Variants in TNFAIP8 observed in about 807,000 individuals in gnomAD.
The protein encoded by TNFAIP8 is TNF alpha induced protein 8.
In TNFAIP8, 7 loss-of-function variants were observed where a neutral mutation model predicts 13.3. The ratio of observed to expected loss-of-function variants is 0.52; its 90% CI spans 0.30 to 0.99. The LOEUF is 0.99. Ranked by LOEUF, TNFAIP8 falls within the 50% of genes least tolerant of loss-of-function variation. TNFAIP8 has a pLI of 0.07. For missense variants in TNFAIP8, 258 were observed against 236.9 expected (o/e 1.09, Z -0.58); for synonymous variants, 94 against 87.6 (o/e 1.07, Z -0.41).
At chr5:119,348,880 C>CAAAAAA (rs60633145) in intron 1 of TNFAIP8, among the ~76,000 whole-genome samples, 19 of 90,978 alleles carry the variant, frequency 2.1e-4, no homozygotes, top group Non-Finnish European at 2.8e-4. Context: ...AACTCCATCT[C>CAAAAAA]AAAAAAAAAA....
intron 1 of TNFAIP8, among the ~76,000 whole-genome samples, chr5:119,325,268 A>G (rs564956040): frequency 3.3e-5 from 5 of 152,114 alleles, no homozygotes; most frequent in Non-Finnish European, 7.4e-5. Flanking sequence ...AAGTGGTTCA[A>G]AGGGCCTGTG....
chr5:119,319,267 C>G (rs1749984759), intron 1 of TNFAIP8, among the ~76,000 whole-genome samples: 1 of 152,174 alleles, frequency 6.6e-6, no homozygotes, highest in Non-Finnish European at 1.5e-5. Flanking sequence ...AAGTGAGACC[C>G]TGTCCCTGAA....
chr5:119,340,490 A>C (rs1750700141), intron 1 of TNFAIP8, among the ~76,000 whole-genome samples: 1 of 152,236 alleles, frequency 6.6e-6, no homozygotes, highest in Admixed American at 6.5e-5. Context: ...ATTTAATTCT[A>C]TTAATAGTTC....
chr5:119,273,558 G>A (rs1269500553), intron 1 of TNFAIP8, among the ~76,000 whole-genome samples: 2 of 152,164 alleles, frequency 1.3e-5, no homozygotes, highest in Non-Finnish European at 2.9e-5. Context: ...GCCTGAGAAC[G>A]AAGACGAGCC....
intron 1 of TNFAIP8, among the ~76,000 whole-genome samples, chr5:119,386,676 C>G: frequency 6.6e-6 from 1 of 152,150 alleles, no homozygotes; most frequent in East Asian, 1.9e-4. Context: ...TGTAATGGTG[C>G]CTGTCACTGG....
upstream of TNFAIP8, chr5:119,355,249 C>T (rs1383310243): frequency 1.2e-5 from 8 of 694,232 alleles, no homozygotes; most frequent in South Asian, 1.1e-4. Flanking sequence ...TGCTGGTAGC[C>T]GGGAGGGAAC....
At chr5:119,363,204 T>A (rs760983463) in intron 1 of TNFAIP8, among the ~76,000 whole-genome samples, 9 of 152,218 alleles carry the variant, frequency 5.9e-5, no homozygotes, top group Non-Finnish European at 1.3e-4. Flanking sequence ...AGCCTGTCTG[T>A]AGAGAAGAGC....
At chr5:119,297,944 T>A (rs1269504607) in intron 1 of TNFAIP8, among the ~76,000 whole-genome samples, 1 of 152,180 alleles carries the variant, frequency 6.6e-6, no homozygotes. Flanking sequence ...CCTTTTTTTG[T>A]TTTCCATTTG....
chr5:119,318,496 A>G (rs1749962603), intron 1 of TNFAIP8, among the ~76,000 whole-genome samples: 1 of 151,878 alleles, frequency 6.6e-6, no homozygotes, highest in South Asian at 2.1e-4. Flanking sequence ...GGGTTCCCCT[A>G]TGTTGCCCAG....
upstream of TNFAIP8, chr5:119,354,914 T>G (rs1184771534): frequency 6.2e-6 from 1 of 160,324 alleles, no homozygotes; most frequent in African/African-American, 2.4e-5. Flanking sequence ...GTATATTTTT[T>G]TCTCATAATT....
At chr5:119,313,445 T>C (rs1014453103) in intron 1 of TNFAIP8, among the ~76,000 whole-genome samples, 2 of 152,282 alleles carry the variant, frequency 1.3e-5, no homozygotes, top group Non-Finnish European at 2.9e-5. Context: ...AGACCACCAT[T>C]GCCAGAGCTG....
chr5:119,339,095 C>T (rs1750652470), intron 1 of TNFAIP8, among the ~76,000 whole-genome samples: 1 of 152,042 alleles, frequency 6.6e-6, no homozygotes, highest in Non-Finnish European at 1.5e-5. Context: ...GATTGAGCTT[C>T]ATCCTGAATT....
At chr5:119,300,021 C>G (rs1379671252) in intron 1 of TNFAIP8, among the ~76,000 whole-genome samples, 1 of 152,218 alleles carries the variant, frequency 6.6e-6, no homozygotes, top group Non-Finnish European at 1.5e-5. Context: ...TCACCCCTTT[C>G]TTTGCCTAGG....
At chr5:119,323,612 C>T (rs1191369458) in intron 1 of TNFAIP8, among the ~76,000 whole-genome samples, 1 of 152,132 alleles carries the variant, frequency 6.6e-6, no homozygotes, top group Non-Finnish European at 1.5e-5. Context: ...TGTATGTTTC[C>T]CTCCACTCTG....
intron 1 of TNFAIP8, among the ~76,000 whole-genome samples, chr5:119,347,656 C>A (rs1408075246): frequency 6.6e-6 from 1 of 152,136 alleles, no homozygotes; most frequent in African/African-American, 2.4e-5. Flanking sequence ...CTGACCTATT[C>A]AAGAGGAAAA....
At chr5:119,315,719 T>C (rs75388931) in intron 1 of TNFAIP8, among the ~76,000 whole-genome samples, 2,425 of 152,256 alleles carry the variant, frequency 0.016, 70 homozygotes, top group African/African-American at 0.056. Flanking sequence ...GGAGCTTTTT[T>C]ACAGGAATCA....
chr5:119,388,544 A>G (rs969726633), intron 1 of TNFAIP8, among the ~76,000 whole-genome samples: 1 of 152,256 alleles, frequency 6.6e-6, no homozygotes, highest in Non-Finnish European at 1.5e-5. Flanking sequence ...AGGGAGAGGC[A>G]GACAATAAAA....
intron 1 of TNFAIP8, among the ~76,000 whole-genome samples, chr5:119,307,474 C>T (rs1749600538): frequency 6.6e-6 from 1 of 152,080 alleles, no homozygotes; most frequent in African/African-American, 2.4e-5. Context: ...TAGAAAGAAC[C>T]AAACACACAA....
chr5:119,323,933 G>A (rs1750136576), intron 1 of TNFAIP8, among the ~76,000 whole-genome samples: 2 of 152,196 alleles, frequency 1.3e-5, no homozygotes, highest in South Asian at 4.1e-4. Context: ...TGGAACAACA[G>A]TGGGTTTGGG....
Sources: allele counts gnomAD v4.1 joint callset (sites outside exome capture counted in the v4.1 genomes callset), GRCh38; gene constraint gnomAD v4.1.1; transcripts MANE v1.5; gene names NCBI Gene and HGNC (gene_info 2026-07-23, HGNC 2026-07-21).